RGS21: variants seen among roughly 807,000 people sequenced by gnomAD.
The protein encoded by RGS21 is regulator of G-protein signalling 21.
In RGS21, 19 loss-of-function variants were observed where a neutral mutation model predicts 18.7. The observed-to-expected ratio is 1.01, with a 90% CI of 0.71 to 1.49. The LOEUF (loss-of-function observed/expected upper bound fraction) is 1.49. Ranked by LOEUF, RGS21 falls within the 40% of genes most tolerant of loss-of-function variation. The pLI is 0.00. For synonymous variants in RGS21, 56 were observed against 57.8 expected (o/e 0.97, Z 0.14); for missense variants, 194 against 176.8 (o/e 1.10, Z -0.55).
chr1:192,319,908 TG>T (rs1025527424), intron 1 of RGS21, among the ~76,000 whole-genome samples: 30 of 151,978 alleles, frequency 2.0e-4, no homozygotes, highest in African/African-American at 7.0e-4. Flanking sequence ...CTAAAAATGG[TG>T]ACAAAGGGGA....
At chr1:192,331,097 A>G (rs1187278173) in intron 1 of RGS21, among the ~76,000 whole-genome samples, 2 of 152,226 alleles carry the variant, frequency 1.3e-5, no homozygotes, top group African/African-American at 2.4e-5. Flanking sequence ...TTTAAGAAAG[A>G]CTATAATGGA....
intron 1 of RGS21, among the ~76,000 whole-genome samples, chr1:192,332,172 G>A (rs1435341003): frequency 1.3e-5 from 2 of 151,980 alleles, no homozygotes; most frequent in African/African-American, 2.4e-5. Flanking sequence ...TGAACATAAA[G>A]CTCCATATTT....
chr1:192,326,847 G>A (rs1237758869), intron 1 of RGS21, among the ~76,000 whole-genome samples: 3 of 152,148 alleles, frequency 2.0e-5, no homozygotes, highest in Admixed American at 6.6e-5. Context: ...CACAGCAGGT[G>A]AAGAATGCCA....
chr1:192,353,784 T>C (rs1436138687), intron 4 of RGS21, among the ~76,000 whole-genome samples: 1 of 151,704 alleles, frequency 6.6e-6, no homozygotes, highest in African/African-American at 2.4e-5. Context: ...TTTTGGGATA[T>C]AAAACTTCAC....
intron 1 of RGS21, among the ~76,000 whole-genome samples, chr1:192,318,565 G>T (rs74492603): frequency 1.3e-5 from 2 of 151,978 alleles, no homozygotes; most frequent in Non-Finnish European, 2.9e-5. Context: ...GGAGAATGTC[G>T]TATCTAAAGG....
chr1:192,360,351 T>C (rs553223784), intron 4 of RGS21, among the ~76,000 whole-genome samples: 1 of 152,258 alleles, frequency 6.6e-6, no homozygotes, highest in East Asian at 1.9e-4. Context: ...TCTCTTTCTT[T>C]AGACTATTTC....
Position 192,366,120 on chromosome 1 carries a change from T to A in RGS21, c.455T>A (p.Leu152Ter), listed in dbSNP as rs1027624112. ...AATCATAAAAAATGGCTCCCTTTTT[T>A]GTGAGGAAGGTAAAAGTTAACTAAT... ...VPNHKKWLPF[L>*] The change falls in exon 5 of 5, where the codon TTG becomes TAG. Residue 152 changes from leucine to a stop codon, truncating the protein, a stop_gained. Coordinates refer to ENST00000417209, the MANE Select transcript of RGS21 (RefSeq NM_001039152.3). LOFTEE classifies it high-confidence loss of function. The A allele has an allele frequency of 6.3e-7, 1 of 1,574,946 alleles. No individual in the cohort carries two copies. The highest frequency in any genetic ancestry group is 1.5e-5 in the African/African-American group (1 of 66,260).
chr1:192,357,918 A>G (rs1206412632), intron 4 of RGS21, among the ~76,000 whole-genome samples: 1 of 152,048 alleles, frequency 6.6e-6, no homozygotes, highest in Non-Finnish European at 1.5e-5. Flanking sequence ...TGTGCTTCAA[A>G]AAATAATTTC....
chr1:192,361,550 T>C (rs1308326678), intron 4 of RGS21, among the ~76,000 whole-genome samples: 1 of 152,126 alleles, frequency 6.6e-6, no homozygotes, highest in Non-Finnish European at 1.5e-5. Context: ...TCCGGAATTT[T>C]ATTTTCCTTT....
chr1:192,366,322 C>T lies in RGS21; in HGVS notation c.*198C>T, dbSNP rs768804435. 1.3e-4 allele frequency: 64 copies of T among 510,456 alleles called. No individual in the cohort carries two copies. The highest frequency in any genetic ancestry group is 1.9e-4 in the Non-Finnish European group (56 of 289,694). 31.6% of individuals were successfully genotyped at this position (510,456 alleles called of 1,614,324 possible). On this transcript the variant is annotated 3_prime_UTR_variant, in exon 5 of 5. Coordinates refer to ENST00000417209, the MANE Select transcript of RGS21 (RefSeq NM_001039152.3). ...GTATTTGCTTTACCAGCTATTTAAT[C>T]TCCTACTGGGGGAGTACAAAGAAAG...
chr1:192,336,819 G>A (rs191881174), intron 1 of RGS21, among the ~76,000 whole-genome samples: 1,752 of 152,154 alleles, frequency 0.012, 21 homozygotes, highest in Middle Eastern at 0.061. Context: ...TGCCGGGGGA[G>A]ATACCTGGTC....
At chr1:192,349,853 C>T (rs1659011281) in intron 3 of RGS21, among the ~76,000 whole-genome samples, 1 of 152,106 alleles carries the variant, frequency 6.6e-6, no homozygotes, top group South Asian at 2.1e-4. Flanking sequence ...CTCTGGGATG[C>T]ATTTAGAAAA....
chr1:192,320,524 A>ATGTG (rs1162509897), intron 1 of RGS21, among the ~76,000 whole-genome samples: 10 of 150,978 alleles, frequency 6.6e-5, no homozygotes, highest in African/African-American at 2.2e-4. Flanking sequence ...GTGTATGTGT[A>ATGTG]TATGTATGTG....
intron 4 of RGS21, among the ~76,000 whole-genome samples, chr1:192,352,826 T>C (rs937355724): frequency 6.6e-6 from 1 of 152,062 alleles, no homozygotes; most frequent in Non-Finnish European, 1.5e-5. Context: ...AAACGTGTTT[T>C]ATATGTGGAA....
In RGS21 at chr1:192,355,431, C is replaced by T. The variant is rs181650133; in HGVS notation, c.255+3218C>T. Among the ~76,000 whole-genome samples, 112 of 151,444 alleles carry T rather than the reference C, an allele frequency of 7.4e-4. 2 individuals are homozygous for T. In the South Asian group the frequency reaches 0.014, roughly 19 times the overall value. On this transcript the variant is annotated intron_variant, in intron 4 of 4. Coordinates refer to ENST00000417209, the MANE Select transcript of RGS21 (RefSeq NM_001039152.3). ...TGTTAAGACTTGAGAGAAGTGGAAA[C>T]GTGAACACTTATTATAAAAATGGGT...
intron 3 of RGS21, 56 bp from the exon 4 acceptor site, chr1:192,351,991 G>A: frequency 4.0e-6 from 4 of 988,718 alleles, no homozygotes; most frequent in Non-Finnish European, 5.9e-6. Context: ...ACTCATTTTG[G>A]TCATATTACT....
At chr1:192,325,091 T>C (rs1200411429) in intron 1 of RGS21, among the ~76,000 whole-genome samples, 1 of 152,068 alleles carries the variant, frequency 6.6e-6, no homozygotes, top group African/African-American at 2.4e-5. Context: ...TACATTATGC[T>C]TGGGTTTGGT....
At chr1:192,321,441 T>C (rs2102220640) in intron 1 of RGS21, among the ~76,000 whole-genome samples, 1 of 152,122 alleles carries the variant, frequency 6.6e-6, no homozygotes, top group East Asian at 1.9e-4. Flanking sequence ...TGGAAAGTTT[T>C]ATAACTCAGG....
intron 1 of RGS21, among the ~76,000 whole-genome samples, chr1:192,325,673 G>A (rs1168495706): frequency 1.3e-5 from 2 of 152,072 alleles, no homozygotes; most frequent in African/African-American, 4.8e-5. Context: ...GCATCTCATA[G>A]TGGTTTGATT....
Sources: allele counts gnomAD v4.1 joint callset (sites outside exome capture counted in the v4.1 genomes callset), GRCh38; gene constraint gnomAD v4.1.1; transcripts MANE v1.5; gene names NCBI Gene and HGNC (gene_info 2026-07-23, HGNC 2026-07-21).